Variants in ZBBX observed in about 807,000 individuals in gnomAD.
ZBBX encodes the protein zinc finger B-box domain-containing protein 1.
In ZBBX, 101 loss-of-function variants were observed where a neutral mutation model predicts 108.5. The ratio of observed to expected loss-of-function variants is 0.93; its 90% CI spans 0.79 to 1.10. The LOEUF is 1.10. Ranked by LOEUF, ZBBX falls within the 50% of genes least tolerant of loss-of-function variation. The pLI is 0.00. For missense variants in ZBBX, 1,009 were observed against 941.4 expected, an observed-to-expected ratio of 1.07 and a Z score of -0.94; for synonymous variants, 356 against 323.4, an observed-to-expected ratio of 1.10 and a Z score of -1.08.
At position 167,327,958 on chromosome 3, in the gene ZBBX, T is replaced by A; in HGVS notation, c.846A>T (p.Leu282Phe). Reference protein sequence around the residue: ...GNHDDNKKQNLHAAVKDSLEE... With the variant: ...GNHDDNKKQNFHAAVKDSLEE... The stretch of plus-strand genomic sequence containing the variant: ...AAGCCATACCTTTTACTGCTGCATG[T>A]AAATTCTGTTTCTTGTTGTCATCAT... Residue 282 changes from leucine to phenylalanine, a missense_variant, in exon 11 of 22, where the codon TTA (leucine) becomes TTT (phenylalanine). By Grantham distance (22) the Leu-to-Phe change is conservative. Coordinates refer to ENST00000675490, the MANE Select transcript of ZBBX (RefSeq NM_001199201.2). 6.2e-7 allele frequency: 1 copy of A among 1,601,276 alleles called. No homozygotes were observed. The highest frequency in any genetic ancestry group is 8.5e-7 in the Non-Finnish European group (1 of 1,175,876).
rs549940931 is a variant in ZBBX at position 167,240,670 on chromosome 3, G to C, written c.*123C>G. 311 of 1,189,382 alleles carry C rather than the reference G, an allele frequency of 2.6e-4. No individual in the cohort carries two copies. Among genetic ancestry groups the C allele is most frequent in the Non-Finnish European group, 3.4e-4 (292 of 855,696 alleles). The allele number at this position is 1,189,382 out of a possible 1,614,324, so 73.7% of individuals were successfully genotyped here. A position where few individuals can be genotyped will look rare whatever the true frequency, so the allele number is the denominator to read the frequency against. On this transcript the variant is annotated 3_prime_UTR_variant, in exon 22 of 22. Coordinates refer to ENST00000675490, the MANE Select transcript of ZBBX (RefSeq NM_001199201.2). ...TTTACTTTTATTAGTTTGTAGCCTT[G>C]AAACATCAAAGACATTAGTAATCAA...
intron 8 of ZBBX, among the ~76,000 whole-genome samples, chr3:167,358,199 A>T (rs980013411): frequency 6.6e-6 from 1 of 151,976 alleles, no homozygotes. Flanking sequence ...AAAATAAAAA[A>T]ATAATAAAAA....
At chr3:167,182,971 C>T in the ZBBX span, among the ~76,000 whole-genome samples, 4 of 152,192 alleles carry the variant, frequency 2.6e-5, no homozygotes, top group Admixed American at 2.0e-4. Flanking sequence ...AATTCCTGCC[C>T]GAATAGAATT....
the ZBBX span, among the ~76,000 whole-genome samples, chr3:167,188,040 G>T: frequency 6.6e-6 from 1 of 152,080 alleles, no homozygotes; most frequent in African/African-American, 2.4e-5. Flanking sequence ...AGGAAAATTT[G>T]GGATTGTAAG....
the ZBBX span, among the ~76,000 whole-genome samples, chr3:167,181,416 T>C: frequency 6.6e-6 from 1 of 152,206 alleles, no homozygotes; most frequent in Non-Finnish European, 1.5e-5. Flanking sequence ...TTTAATATAC[T>C]TCAGGGGCTT....
chr3:167,196,617 G>A, the ZBBX span, among the ~76,000 whole-genome samples: 2 of 152,050 alleles, frequency 1.3e-5, no homozygotes, highest in African/African-American at 4.8e-5. Context: ...AATTACTAAG[G>A]TAGCAACATT....
chr3:167,295,630 A>G (rs1731504659), intron 18 of ZBBX, among the ~76,000 whole-genome samples: 1 of 149,818 alleles, frequency 6.7e-6, no homozygotes, highest in African/African-American at 2.5e-5. Flanking sequence ...TACCTATGTA[A>G]CAAACCTGCA....
chr3:167,390,499 G>T (rs1388383968), intron 1 of ZBBX, among the ~76,000 whole-genome samples: 1 of 151,288 alleles, frequency 6.6e-6, no homozygotes, highest in Admixed American at 6.6e-5. Flanking sequence ...ATTTAAAGTA[G>T]TTGTTTTTTT....
At chr3:167,383,778 C>G (rs1460750559), upstream of ZBBX, among the ~76,000 whole-genome samples, 1 of 152,080 alleles carries the variant, frequency 6.6e-6, no homozygotes, top group Non-Finnish European at 1.5e-5. Flanking sequence ...TTATTCAACA[C>G]CTGTTCTATT....
the ZBBX span, among the ~76,000 whole-genome samples, chr3:167,216,469 AAAG>A: frequency 2.0e-5 from 3 of 152,156 alleles, no homozygotes; most frequent in Non-Finnish European, 4.4e-5. Context: ...CAAAGAAATC[AAAG>A]AAGACACACA....
At chr3:167,355,065 T>G (rs1327097276) in intron 8 of ZBBX, among the ~76,000 whole-genome samples, 1 of 152,000 alleles carries the variant, frequency 6.6e-6, no homozygotes. Context: ...AATATCCAAC[T>G]GCAGTTTTAA....
chr3:167,404,422 G>A (rs1209362575), intron 1 of ZBBX, among the ~76,000 whole-genome samples: 6 of 152,042 alleles, frequency 3.9e-5, no homozygotes, highest in African/African-American at 1.2e-4. Flanking sequence ...CCCATTGCTC[G>A]CCACACAGAA....
At chr3:167,198,245 A>G in the ZBBX span, among the ~76,000 whole-genome samples, 1 of 152,046 alleles carries the variant, frequency 6.6e-6, no homozygotes. Flanking sequence ...AATCATACCT[A>G]TGCTTTCCTT....
At chr3:167,218,038 C>T in the ZBBX span, among the ~76,000 whole-genome samples, 8 of 151,974 alleles carry the variant, frequency 5.3e-5, no homozygotes, top group South Asian at 2.1e-4. Flanking sequence ...CCACCACACC[C>T]GGCCCCTTTC....
At chr3:167,322,309 G>A in intron 11 of ZBBX, 72 bp from the exon 12 acceptor site, 3 of 1,258,192 alleles carry the variant, frequency 2.4e-6, no homozygotes, top group Non-Finnish European at 2.1e-6. Context: ...CTCTTAAGAT[G>A]TAGAACTCAT....
chr3:167,274,995 T>C lies in ZBBX; in HGVS notation c.2254+7243A>G, dbSNP rs77196844. Among the ~76,000 whole-genome samples, 1,372 of 152,340 alleles carry C rather than the reference T, an allele frequency of 9.0e-3. 27 individuals are homozygous for C. Among genetic ancestry groups the C allele is most frequent in the African/African-American group, 0.031 (1,295 of 41,566 alleles). Reference sequence around the variant, plus strand: ...AATTTATATTCGAGTGCTGTTTCTTTTGCGGCATCGGAAATTCATTTATAA... The same window carrying C: ...AATTTATATTCGAGTGCTGTTTCTTCTGCGGCATCGGAAATTCATTTATAA... On this transcript the variant is annotated intron_variant, in intron 20 of 21. Transcript: ENST00000675490.
intron 4 of ZBBX, among the ~76,000 whole-genome samples, chr3:167,371,776 A>G (rs1452244225): frequency 6.6e-6 from 1 of 152,170 alleles, no homozygotes; most frequent in East Asian, 1.9e-4. Context: ...TGATAATGCC[A>G]TATATTTTTA....
chr3:167,184,722 C>T, the ZBBX span, among the ~76,000 whole-genome samples: 1 of 151,960 alleles, frequency 6.6e-6, no homozygotes, highest in Non-Finnish European at 1.5e-5. Context: ...CCAGCAGGAA[C>T]CAGTGGGAGC....
chr3:167,390,248 A>G lies in ZBBX; in HGVS notation c.-445-9843T>C, dbSNP rs375882927. 3.0e-4 allele frequency among the ~76,000 whole-genome samples: 46 copies of G among 152,046 alleles called. 1 individual carries two copies. The highest frequency in any genetic ancestry group is 8.9e-4 in the African/African-American group (37 of 41,394). On this transcript the variant is annotated intron_variant, in intron 1 of 21. Transcript: ENST00000455345. ...TATTTCCCCATTGCTTGTTCTTGTC[A>G]GGTTTGTCAAAGATCTGATGGTTGT...
Sources: allele counts gnomAD v4.1 joint callset (sites outside exome capture counted in the v4.1 genomes callset), GRCh38; gene constraint gnomAD v4.1.1; transcripts MANE v1.5; gene names NCBI Gene and HGNC (gene_info 2026-07-23, HGNC 2026-07-21).